MKI67: variants seen among roughly 807,000 people sequenced by gnomAD.
The protein encoded by MKI67 is proliferation marker protein Ki-67.
MKI67 carries 152 observed loss-of-function variants against 233.5 expected under a neutral mutation model. That is an observed-to-expected ratio of 0.65 (90% confidence interval 0.57 to 0.74). MKI67 has a LOEUF of 0.74. MKI67 is among the 30% of genes least tolerant of loss of function. The probability of loss-of-function intolerance (pLI) is 0.00; values close to 1 mark genes in which losing one functional copy is unlikely to be tolerated. For missense variants in MKI67, 3,940 were observed against 3,885.2 expected (o/e 1.01, Z -0.37); for synonymous variants, 1,465 against 1,418.5 (o/e 1.03, Z -0.74).
chr10:128,109,344 C>T lies in MKI67; in HGVS notation c.2496G>A (p.Arg832=), dbSNP rs754452741. 1.9e-6 allele frequency: 3 copies of T among 1,614,164 alleles called. No homozygotes were observed. The highest frequency in any genetic ancestry group is 2.5e-6 in the Non-Finnish European group (3 of 1,180,030). The change falls in exon 13 of 15, where the codon CGG becomes CGA. Residue 832 remains arginine (R), a synonymous_variant. Coordinates refer to ENST00000368654, the MANE Select transcript of MKI67 (RefSeq NM_002417.5). ...CGTTTCCATTTTCTCTAATACACTG[C>T]CGTCTTAAGGGAGGGCTTGCAGAGC... ...DKCSASPPLR[R]QCIRENGNVA...
Position 128,102,739 on chromosome 10 carries a change from G to A in MKI67, c.9101C>T (p.Ala3034Val). The A allele has an allele frequency of 6.2e-7, 1 of 1,614,184 alleles. No individual in the cohort carries two copies. The highest frequency in any genetic ancestry group is 8.5e-7 in the Non-Finnish European group (1 of 1,180,038). ...ELPASKKQRV[A>V]PRARGKSSEP... Reference sequence around the variant, plus strand: ...GGATGATTTGCCTCTTGCCCTGGGAGCAACCCTCTGCTTCTTGCTGGCTGG... The same window carrying A: ...GGATGATTTGCCTCTTGCCCTGGGAACAACCCTCTGCTTCTTGCTGGCTGG... Residue 3034 changes from alanine to valine, a missense_variant, in exon 13 of 15, where the codon GCT becomes GTT. Coordinates refer to ENST00000368654, the MANE Select transcript of MKI67 (RefSeq NM_002417.5).
rs1047010508 is a variant in MKI67, at chr10:128,104,329, G to A, written c.7511C>T (p.Thr2504Ile). ...EPLAVSKLTR[T>I]SGETTQTHTE... ...GTGTGTTTGCGTAGTCTCCCCTGAT[G>A]TCCGTGTGAGCTTGCTGACTGCTAG... is the stretch of plus-strand genomic sequence containing the variant. Residue 2504 changes from threonine (T) to isoleucine (I), a missense_variant, in exon 13 of 15, where the codon ACA becomes ATA. Transcript: ENST00000368654. 1.2e-6 allele frequency: 2 copies of A among 1,614,188 alleles called. No homozygotes were observed. Among genetic ancestry groups the A allele is most frequent in the African/African-American group, 2.7e-5 (2 of 75,048 alleles).
In MKI67 at chr10:128,103,845, C is replaced by A; in HGVS notation, c.7995G>T (p.Arg2665Ser). 6.2e-7 allele frequency: 1 copy of A among 1,614,076 alleles called. No homozygotes were observed. Among genetic ancestry groups the A allele is most frequent in the Non-Finnish European group, 8.5e-7 (1 of 1,180,012 alleles). ...NPVEEEPSRRRPRAPKEKAQP... is the reference protein window; with the variant it reads ...NPVEEEPSRRSPRAPKEKAQP... ...GGGCCTTTTCCTTAGGTGCTCTTGG[C>A]CTTCTCCTGCTGGGTTCCTCTTCTA... Residue 2665 changes from arginine (R) to serine (S), a missense_variant, in exon 13 of 15, where the codon AGG becomes AGT. By Grantham distance (110) the Arg-to-Ser change is moderately radical (BLOSUM62 -1). Coordinates refer to ENST00000368654, the MANE Select transcript of MKI67 (RefSeq NM_002417.5).
In MKI67 at chr10:128,104,459, C is replaced by G; in HGVS notation, c.7381G>C (p.Glu2461Gln). 6.2e-7 allele frequency: 1 copy of G among 1,612,938 alleles called. No individual in the cohort carries two copies. The highest frequency in any genetic ancestry group is 8.5e-7 in the Non-Finnish European group (1 of 1,179,696). Residue 2461 changes from glutamate (E) to glutamine (Q), a missense_variant, in exon 13 of 15, where the codon GAA becomes CAA. Glu to Gln is a conservative substitution (Grantham distance 29, BLOSUM62 2). Coordinates refer to ENST00000368654, the MANE Select transcript of MKI67 (RefSeq NM_002417.5). Reference protein sequence around the residue: ...EESMTDDKITEVSCKSPQPES... With the variant: ...EESMTDDKITQVSCKSPQPES... ...GGCTGTGGAGATTTACAGGATACTT[C>G]TGTGATTTTGTCATCAGTCATTGAT...
In MKI67 at chr10:128,110,391, G is replaced by A. The variant is rs751240563; in HGVS notation, c.2403C>T (p.Thr801=). ...AAGGAAACCAACCAAAACTCTCTGA[G>A]GTGGGGAGCAGAGGTTCTTCTCCTG... The part of the protein sequence containing the change: ...TDSGEEPLLP[T]SESFGGNVFF... Residue 801 remains threonine (T), a synonymous_variant, in exon 12 of 15, where the codon ACC becomes ACT. Coordinates refer to ENST00000368654, the MANE Select transcript of MKI67 (RefSeq NM_002417.5). The A allele has an allele frequency of 1.9e-6, 3 of 1,567,286 alleles. No individual in the cohort carries two copies. In the South Asian group the frequency reaches 3.5e-5, roughly 18 times the overall value.
At chr10:128,111,891 G>A (rs773396796) in intron 10 of MKI67, 36 bp downstream of exon 10, 29 of 1,604,814 alleles carry the variant, frequency 1.8e-5, no homozygotes, top group Admixed American at 8.5e-5. Flanking sequence ...CGATGACACC[G>A]GTATGTGTAA....
chr10:128,115,082 C>T lies in MKI67; in HGVS notation c.1326G>A (p.Glu442=). The T allele has an allele frequency of 3.1e-6, 5 of 1,613,922 alleles. No individual in the cohort carries two copies. The highest frequency in any genetic ancestry group is 4.2e-6 in the Non-Finnish European group (5 of 1,179,824). ...GAGTGAGCCACAGAGTTAAAAATGG[C>T]TCATTGTGAATTTCAGTTTCCGTAG... ...VLPTETEIHN[E]PFLTLWLTQV... Residue 442 remains glutamate, a synonymous_variant, in exon 7 of 15, where the codon GAG becomes GAA. Coordinates refer to ENST00000368654, the MANE Select transcript of MKI67 (RefSeq NM_002417.5).
chr10:128,115,634 T>G lies in MKI67; in HGVS notation c.774A>C (p.Leu258=). 1 of 1,613,874 alleles carries G rather than the reference T, an allele frequency of 6.2e-7. No individual in the cohort carries two copies. Among genetic ancestry groups the G allele is most frequent in the Non-Finnish European group, 8.5e-7 (1 of 1,179,984 alleles). The part of the protein sequence containing the change: ...LDVKSQKENV[L]QYCRKSGLQT... ...GTAATCCAGATTTTCTACAATACTG[T>G]AGGACATTTTCTTTTTGTGATTTTA... is the stretch of plus-strand genomic sequence containing the variant. The change falls in exon 7 of 15, where the codon CTA becomes CTC. Residue 258 remains leucine, a synonymous_variant. Transcript: ENST00000368654.
At chr10:128,121,669 T>G (rs1232476762) in intron 4 of MKI67, among the ~76,000 whole-genome samples, 1 of 149,522 alleles carries the variant, frequency 6.7e-6, no homozygotes, top group Non-Finnish European at 1.5e-5. Context: ...GGCAGATTAG[T>G]AAGATAATTA....
In MKI67 at chr10:128,123,378, CAG is replaced by C. The variant is rs368610743; in HGVS notation, c.93-211_93-210del. Among the ~76,000 whole-genome samples the C allele has an allele frequency of 4.1e-3, 620 of 152,242 alleles. 5 individuals carry two copies. Among genetic ancestry groups the C allele is most frequent in the African/African-American group, 0.014 (585 of 41,548 alleles). On this transcript the variant is annotated intron_variant, in intron 2 of 14. Transcript: ENST00000368654. ...ACATGTAACTATTAGATCTTTAAAACAGAGAGTATGTAAAAACAAGGGAAAAC... is the reference window on the plus strand; with the variant it reads ...ACATGTAACTATTAGATCTTTAAAACAGAGTATGTAAAAACAAGGGAAAAC...
intron 5 of MKI67, among the ~76,000 whole-genome samples, chr10:128,118,126 G>A (rs1263470757): frequency 2.6e-5 from 4 of 152,148 alleles, no homozygotes; most frequent in Non-Finnish European, 5.9e-5. Flanking sequence ...GACTGGGCAT[G>A]GTGGCTCAAG....
chr10:128,125,259 C>T lies in MKI67; in HGVS notation c.92+317G>A, dbSNP rs1175463408. Among the ~76,000 whole-genome samples, 16 of 152,228 alleles carry T rather than the reference C, an allele frequency of 1.1e-4. No individual in the cohort carries two copies. Among genetic ancestry groups the T allele is most frequent in the Admixed American group, 8.5e-4 (13 of 15,294 alleles). ...TGCCCACTGTGGAGGCACCCGGGGGCGCACAGTGTCTTCAGACGCCTGCCT... is the reference window on the plus strand; with the variant it reads ...TGCCCACTGTGGAGGCACCCGGGGGTGCACAGTGTCTTCAGACGCCTGCCT... On this transcript the variant is annotated intron_variant, in intron 2 of 14. Transcript: ENST00000368654. This position sits in a 1 kb window ranked among gnomAD's most constrained non-coding sequence, Gnocchi z 5.3.
Position 128,110,550 on chromosome 10 carries a change from T to C in MKI67, c.2261-17A>G. The C allele has an allele frequency of 6.5e-7, 1 of 1,533,614 alleles. No homozygotes were observed. Among genetic ancestry groups the C allele is most frequent in the Admixed American group, 1.7e-5 (1 of 57,608 alleles). On this transcript the variant is annotated splice_polypyrimidine_tract_variant and intron_variant, in intron 11 of 14. Transcript: ENST00000368654. Reference sequence around the variant, plus strand: ...CAGCTATTCCTGTTAAATGAAAATATTTGAAAAGTGATTGACATATTGCTA... The same window carrying C: ...CAGCTATTCCTGTTAAATGAAAATACTTGAAAAGTGATTGACATATTGCTA...
Position 128,103,905 on chromosome 10 carries a change from T to C in MKI67, c.7935A>G (p.Val2645=). The C allele has an allele frequency of 1.2e-6, 2 of 1,614,006 alleles. No homozygotes were observed. The highest frequency in any genetic ancestry group is 1.7e-6 in the Non-Finnish European group (2 of 1,179,998). ...EPASGDEGIK[V]LKQRAKKKPN... is the part of the protein sequence containing the mutation. ...GTTTCTTCTTTGCACGTTGCTTCAA[T>C]ACTTTGATGCCCTCATCACCGCTTG... Residue 2645 remains valine, a synonymous_variant, in exon 13 of 15, where the codon GTA becomes GTG. Transcript: ENST00000368654.
chr10:128,116,662 T>G (rs2136146766), intron 5 of MKI67, 126 bp from the exon 6 acceptor site: 4 of 862,614 alleles, frequency 4.6e-6, no homozygotes, highest in South Asian at 1.4e-5. Context: ...ATCCCAGCAC[T>G]TTGGGAGGCC....
rs202069310 is a variant in MKI67 at position 128,102,860 on chromosome 10, G to C, written c.8980C>G (p.Leu2994Val). The change falls in exon 13 of 15, where the codon CTG becomes GTG. Residue 2994 changes from leucine (L) to valine (V), a missense_variant. By Grantham distance (32) the Leu-to-Val change is conservative. Coordinates refer to ENST00000368654, the MANE Select transcript of MKI67 (RefSeq NM_002417.5). ...QSKSNTSLPP[L>V]PFKRGGGKDG... is the part of the protein sequence containing the mutation. The stretch of plus-strand genomic sequence containing the variant: ...TTGCCACCTCCCCTCTTGAAGGGCA[G>C]TGGGGGCAGGGAAGTGTTGCTTTTG... 1.9e-6 allele frequency: 3 copies of C among 1,614,198 alleles called. No individual in the cohort carries two copies. The East Asian group carries it at 6.7e-5, about 36-fold the overall frequency.
chr10:128,122,160 A>AAAAACAGAC (rs1238036894), intron 4 of MKI67, among the ~76,000 whole-genome samples: 1 of 152,172 alleles, frequency 6.6e-6, no homozygotes, highest in East Asian at 1.9e-4. Context: ...GAATGCCTTG[A>AAAAACAGAC]AAAACAGACA....
Position 128,123,147 on chromosome 10 carries a change from T to C in MKI67, c.115A>G (p.Ile39Val), listed in dbSNP as rs762684139. 1.2e-6 allele frequency: 2 copies of C among 1,613,964 alleles called. No individual in the cohort carries two copies. Among genetic ancestry groups the C allele is most frequent in the South Asian group, 1.1e-5 (1 of 91,078 alleles). The change falls in exon 3 of 15, where the codon ATC becomes GTC. Residue 39 changes from isoleucine to valine, a missense_variant. Coordinates refer to ENST00000368654, the MANE Select transcript of MKI67 (RefSeq NM_002417.5). The stretch of plus-strand genomic sequence containing the variant: ...TGTTTTGACACAACAGGAAGCTGGA[T>C]ACGGATGTCACATTCAATACCCCTT... Reference protein sequence around the residue: ...FGRGIECDIRIQLPVVSKQHC... With the variant: ...FGRGIECDIRVQLPVVSKQHC...
At position 128,103,855 on chromosome 10, in the gene MKI67, C is replaced by A. The variant is rs1231762492; in HGVS notation, c.7985G>T (p.Ser2662Ile). The A allele has an allele frequency of 6.2e-7, 1 of 1,613,998 alleles. No individual in the cohort carries two copies. Among genetic ancestry groups the A allele is most frequent in the African/African-American group, 1.3e-5 (1 of 74,892 alleles). Residue 2662 changes from serine (S) to isoleucine (I), a missense_variant, in exon 13 of 15, where the codon AGC (serine) becomes ATC (isoleucine). Transcript: ENST00000368654. ...KKPNPVEEEP[S>I]RRRPRAPKEK... ...CTTAGGTGCTCTTGGCCTTCTCCTGCTGGGTTCCTCTTCTACTGGGTTTGG... is the reference window on the plus strand; with the variant it reads ...CTTAGGTGCTCTTGGCCTTCTCCTGATGGGTTCCTCTTCTACTGGGTTTGG...
Sources: gnomAD v4.1 joint callset for allele counts (sites outside exome capture counted in the v4.1 genomes callset) on GRCh38, gnomAD v4.1.1 for gene constraint, Gnocchi (gnomAD v3.1) non-coding constraint, MANE v1.5 for transcripts, NCBI Gene and HGNC (gene_info 2026-07-23, HGNC 2026-07-21) for gene names.